The following INPP4B variants were observed in gnomAD, a reference collection of about 807,000 sequenced individuals.
INPP4B encodes inositol polyphosphate 4-phosphatase type II.
Under a neutral mutation model 122.5 loss-of-function variants are expected in INPP4B, and 55 were observed. The ratio of observed to expected loss-of-function variants is 0.45; its 90% CI spans 0.36 to 0.56. The LOEUF (loss-of-function observed/expected upper bound fraction) is 0.56, where lower values mean the gene tolerates loss of function less well. Among genes scored for constraint, INPP4B ranks in the 20% least tolerant of loss-of-function variants. The pLI is 0.00. For missense variants in INPP4B, 1,000 were observed against 1,097.7 expected (o/e 0.91, Z 1.26); for synonymous variants, 403 against 388.7 (o/e 1.04, Z -0.43).
intron 12 of INPP4B, among the ~76,000 whole-genome samples, chr4:142,211,932 A>G (rs1845077228): frequency 6.6e-6 from 1 of 152,112 alleles, no homozygotes; most frequent in Non-Finnish European, 1.5e-5. Flanking sequence ...TCACCTTGAG[A>G]GAGGCTGATA....
At chr4:142,791,561 C>T (rs1289259072) in intron 1 of INPP4B, among the ~76,000 whole-genome samples, 2 of 151,992 alleles carry the variant, frequency 1.3e-5, no homozygotes, top group East Asian at 1.9e-4. Context: ...TTAAATAGGC[C>T]TATATCATGT....
At chr4:142,202,404 A>C (rs1841014585) in intron 14 of INPP4B, among the ~76,000 whole-genome samples, 1 of 152,130 alleles carries the variant, frequency 6.6e-6, no homozygotes, top group Non-Finnish European at 1.5e-5. Context: ...CTTTGGCAGG[A>C]ATTGCAAAAG....
chr4:142,521,920 T>C (rs1311165748), intron 2 of INPP4B, among the ~76,000 whole-genome samples: 1 of 151,458 alleles, frequency 6.6e-6, no homozygotes, highest in Non-Finnish European at 1.5e-5. Context: ...TACAAGTTAA[T>C]TTGTTTGGTA....
At chr4:142,180,640 A>G (rs1455045639) in intron 15 of INPP4B, among the ~76,000 whole-genome samples, 1 of 152,194 alleles carries the variant, frequency 6.6e-6, no homozygotes, top group Non-Finnish European at 1.5e-5. Context: ...TGGATCACAC[A>G]AACTAGCATA....
intron 6 of INPP4B, 44 bp downstream of exon 6, chr4:142,405,162 A>AGAGAGG: frequency 2.2e-6 from 1 of 450,946 alleles, no homozygotes; most frequent in East Asian, 4.6e-5. Flanking sequence ...AGCCAGCAAG[A>AGAGAGG]GAGAGAGAGA....
At chr4:142,136,323 G>A (rs1425353497) in intron 18 of INPP4B, among the ~76,000 whole-genome samples, 1 of 152,204 alleles carries the variant, frequency 6.6e-6, no homozygotes, top group Non-Finnish European at 1.5e-5. Context: ...CAAGGCCCGG[G>A]TACAGGCTTC....
intron 5 of INPP4B, among the ~76,000 whole-genome samples, chr4:142,422,703 C>T (rs1180174252): frequency 6.6e-6 from 1 of 151,994 alleles, no homozygotes; most frequent in Non-Finnish European, 1.5e-5. Flanking sequence ...GTCCTAGCTA[C>T]TTGGGAGGCT....
At chr4:142,547,948 T>G (rs929390869) in intron 2 of INPP4B, among the ~76,000 whole-genome samples, 1 of 152,162 alleles carries the variant, frequency 6.6e-6, no homozygotes, top group African/African-American at 2.4e-5. Flanking sequence ...GCCACCATGT[T>G]TTATTTGAGA....
rs987133374 is a variant in INPP4B at position 142,023,193 on chromosome 4, A to G, written c.*5589T>C. On this transcript the variant is annotated 3_prime_UTR_variant, in exon 26 of 26. Transcript: ENST00000262992. ...AAAAATCATTTATTTAAACAAAAAT[A>G]TACACACAGTGTACAATGAATATGG... The G allele has an allele frequency of 2.0e-5, 3 of 152,206 alleles. No individual in the cohort carries two copies. Among genetic ancestry groups the G allele is most frequent in the Non-Finnish European group, 4.4e-5 (3 of 68,030 alleles). 9.4% of individuals were successfully genotyped at this position (152,206 alleles called of 1,614,324 possible). A position where few individuals can be genotyped will look rare whatever the true frequency, so the allele number is the denominator to read the frequency against.
chr4:142,784,261 G>A (rs904699153), intron 1 of INPP4B, among the ~76,000 whole-genome samples: 1 of 151,906 alleles, frequency 6.6e-6, no homozygotes, highest in Non-Finnish European at 1.5e-5. Flanking sequence ...TACTCAGGAC[G>A]ATGAGGTAGG....
intron 2 of INPP4B, among the ~76,000 whole-genome samples, chr4:142,721,530 C>T (rs1764675891): frequency 6.6e-6 from 1 of 152,192 alleles, no homozygotes; most frequent in East Asian, 1.9e-4. Context: ...CTTATTAAAA[C>T]GATGTCATAA....
chr4:142,632,497 T>C (rs1002768296), intron 2 of INPP4B, among the ~76,000 whole-genome samples: 1 of 152,036 alleles, frequency 6.6e-6, no homozygotes, highest in African/African-American at 2.4e-5. Context: ...ATACACTTGA[T>C]AGAAGAAATA....
chr4:142,379,677 T>A (rs1056064494), intron 7 of INPP4B, among the ~76,000 whole-genome samples: 1 of 152,214 alleles, frequency 6.6e-6, no homozygotes, highest in African/African-American at 2.4e-5. Context: ...CAGACTAACA[T>A]TTTATATTAC....
intron 18 of INPP4B, among the ~76,000 whole-genome samples, chr4:142,129,622 C>A (rs1800298133): frequency 6.6e-6 from 1 of 152,070 alleles, no homozygotes. Context: ...TAATTCCAGA[C>A]AATAGAAGAG....
chr4:142,719,513 G>A (rs1215203944), intron 2 of INPP4B, among the ~76,000 whole-genome samples: 2 of 151,800 alleles, frequency 1.3e-5, no homozygotes, highest in African/African-American at 4.8e-5. Flanking sequence ...TAGTAAAAAT[G>A]GGGTTTCGCG....
intron 21 of INPP4B, among the ~76,000 whole-genome samples, chr4:142,117,555 C>T (rs980255405): frequency 6.6e-6 from 1 of 152,050 alleles, no homozygotes; most frequent in Non-Finnish European, 1.5e-5. Flanking sequence ...GAACCAAAGA[C>T]AAAAATCACA....
At chr4:142,459,214 G>A (rs1009440997) in intron 3 of INPP4B, among the ~76,000 whole-genome samples, 12 of 150,572 alleles carry the variant, frequency 8.0e-5, no homozygotes, top group Admixed American at 2.0e-4. Flanking sequence ...TATGTGGCTT[G>A]ACTTTCACTG....
At chr4:142,421,462 T>C (rs957853848) in intron 5 of INPP4B, among the ~76,000 whole-genome samples, 1 of 152,164 alleles carries the variant, frequency 6.6e-6, no homozygotes, top group Non-Finnish European at 1.5e-5. Context: ...TACTTCATGA[T>C]ACCTACATAT....
At chr4:142,653,259 C>T (rs887931755) in intron 2 of INPP4B, among the ~76,000 whole-genome samples, 2 of 152,102 alleles carry the variant, frequency 1.3e-5, no homozygotes, top group Admixed American at 1.3e-4. Context: ...ACACCTAAAG[C>T]CATAAAAACC....
Sources: allele counts gnomAD v4.1 joint callset (sites outside exome capture counted in the v4.1 genomes callset), GRCh38; gene constraint gnomAD v4.1.1; transcripts MANE v1.5; gene names NCBI Gene and HGNC (gene_info 2026-07-23, HGNC 2026-07-21).